Variants in KIF1B observed in about 807,000 individuals in gnomAD.
The protein encoded by KIF1B is kinesin-like protein KIF1B.
Under a neutral mutation model 241.9 loss-of-function variants are expected in KIF1B, and 76 were observed. That is an observed-to-expected ratio of 0.31 (90% CI 0.26 to 0.38). The LOEUF (loss-of-function observed/expected upper bound fraction) is 0.38. Ranked by LOEUF, KIF1B falls within the 10% of genes least tolerant of loss-of-function variation. The pLI is 1.00. For synonymous variants in KIF1B, 750 were observed against 796.7 expected, an observed-to-expected ratio of 0.94 and a Z score of 0.99; for missense variants, 1,622 against 2,271.4, an observed-to-expected ratio of 0.71 and a Z score of 5.81.
intron 22 of KIF1B, among the ~76,000 whole-genome samples, chr1:10,316,154 G>A (rs1651296015): frequency 6.6e-6 from 1 of 150,660 alleles, no homozygotes; most frequent in Admixed American, 6.6e-5. Flanking sequence ...GATCACTTGA[G>A]CCTGAGAGGT....
In KIF1B at chr1:10,374,336, G is replaced by C. The variant is rs373439616; in HGVS notation, c.4967G>C (p.Arg1656Pro). ...LDQKTPEANSRASSPCPEFEQ... is the reference protein window; with the variant it reads ...LDQKTPEANSPASSPCPEFEQ... ...TAAAGGACCCCAGAAGCCAATTCCC[G>C]GGCCTCTAGTCCCTGCCCAGAATTT... Residue 1656 changes from arginine (R) to proline (P), a missense_variant, in exon 46 of 49, where the codon CGG becomes CCG. Physicochemically the swap from Arg to Pro is moderately radical, Grantham distance 103. Transcript: ENST00000676179. The surrounding 1 kb of genome is among the most constrained non-coding windows in gnomAD (Gnocchi z 4.3). 1 of 1,613,944 alleles carries C rather than the reference G, an allele frequency of 6.2e-7. No individual in the cohort carries two copies. Among genetic ancestry groups the C allele is most frequent in the Non-Finnish European group, 8.5e-7 (1 of 1,179,934 alleles).
rs72638984 is a variant in KIF1B at position 10,225,345 on chromosome 1, C to A, written c.-79-6905C>A. 6.4e-3 allele frequency among the ~76,000 whole-genome samples: 976 copies of A among 152,102 alleles called. 6 individuals carry two copies. Among genetic ancestry groups the A allele is most frequent in the Non-Finnish European group, 0.012 (789 of 67,992 alleles). On this transcript the variant is annotated intron_variant, in intron 1 of 48. Transcript: ENST00000676179. ...ACAAACAAACAAAAAATTAGCCGGG[C>A]ATGGTGGTGCACCCCTGTAGCTCCA...
chr1:10,217,924 A>T (rs551139316), intron 1 of KIF1B, among the ~76,000 whole-genome samples: 1 of 152,182 alleles, frequency 6.6e-6, no homozygotes, highest in Non-Finnish European at 1.5e-5. Context: ...TTTTTTGTTC[A>T]CGGATTATTT....
At chr1:10,336,366 C>T (rs886553766) in intron 28 of KIF1B, among the ~76,000 whole-genome samples, 4 of 152,184 alleles carry the variant, frequency 2.6e-5, no homozygotes, top group African/African-American at 7.2e-5. Flanking sequence ...TCAGGCTGGT[C>T]TCGAACTCCT....
At chr1:10,296,293 G>C (rs188823767) in intron 19 of KIF1B, among the ~76,000 whole-genome samples, 1 of 152,160 alleles carries the variant, frequency 6.6e-6, no homozygotes, top group Non-Finnish European at 1.5e-5. Flanking sequence ...ATGGTTCTGA[G>C]TTTTATTGAC....
chr1:10,274,140 G>A (rs1427259157), intron 10 of KIF1B, among the ~76,000 whole-genome samples: 2 of 151,782 alleles, frequency 1.3e-5, no homozygotes, highest in Non-Finnish European at 2.9e-5. Context: ...GTTTCATCAC[G>A]TTGGCCAGGC....
At chr1:10,345,632 ATTTCT>A (rs959322013) in intron 34 of KIF1B, 27 of 559,642 alleles carry the variant, frequency 4.8e-5, no homozygotes, top group Non-Finnish European at 8.3e-5. Context: ...AAAGATACTG[ATTTCT>A]TTATTTTCCT....
intron 2 of KIF1B, among the ~76,000 whole-genome samples, chr1:10,241,698 TG>T (rs1166170378): frequency 6.6e-6 from 1 of 152,242 alleles, no homozygotes; most frequent in East Asian, 1.9e-4. Context: ...GTAAACTTTG[TG>T]CTGCCTTTAT....
intron 44 of KIF1B, 148 bp downstream of exon 44, chr1:10,368,686 T>G: frequency 1.4e-6 from 1 of 712,914 alleles, no homozygotes; most frequent in Admixed American, 2.1e-5. Context: ...CATACTGCTC[T>G]GGTATTCATT....
intron 43 of KIF1B, among the ~76,000 whole-genome samples, chr1:10,366,110 A>C (rs1374782808): frequency 6.6e-6 from 1 of 152,096 alleles, no homozygotes; most frequent in East Asian, 1.9e-4. Flanking sequence ...GAGCGCCTGT[A>C]ATCCCAGCTA....
intron 1 of KIF1B, among the ~76,000 whole-genome samples, chr1:10,226,801 T>A (rs908071686): frequency 7.9e-5 from 12 of 151,770 alleles, no homozygotes; most frequent in African/African-American, 2.9e-4. Context: ...ACCCCGTCCC[T>A]ACTAAAAATA....
chr1:10,346,593 G>A (rs572242428), intron 35 of KIF1B, among the ~76,000 whole-genome samples: 296 of 152,262 alleles, frequency 1.9e-3, no homozygotes, highest in Non-Finnish European at 3.7e-3. Context: ...TCGAACTCCC[G>A]ACCTCAGGTG....
At chr1:10,280,085 CATT>C (rs1435165379) in intron 14 of KIF1B, among the ~76,000 whole-genome samples, 1 of 152,114 alleles carries the variant, frequency 6.6e-6, no homozygotes, top group Non-Finnish European at 1.5e-5. Flanking sequence ...ACATGAACCT[CATT>C]ATTCTCTCCA....
intron 1 of KIF1B, among the ~76,000 whole-genome samples, chr1:10,220,594 G>A (rs972141164): frequency 6.6e-6 from 1 of 152,086 alleles, no homozygotes; most frequent in Non-Finnish European, 1.5e-5. Context: ...GGAGTTTTGA[G>A]GCTGCCATGA....
At position 10,268,224 on chromosome 1, in the gene KIF1B, G is replaced by A; in HGVS notation, c.681G>A (p.Gln227=). ...SHAVFTIVFT[Q]KKHDNETNLS... ...CTGTGTTTACGATTGTTTTCACCCA[G>A]AAGAAACACGATAATGAGACCAACC... Residue 227 remains glutamine, a synonymous_variant, in exon 7 of 49, where the codon CAG becomes CAA. Transcript: ENST00000676179. The A allele has an allele frequency of 6.2e-7, 1 of 1,613,808 alleles. No individual in the cohort carries two copies. Among genetic ancestry groups the A allele is most frequent in the Non-Finnish European group, 8.5e-7 (1 of 1,179,702 alleles).
intron 8 of KIF1B, among the ~76,000 whole-genome samples, 188 bp downstream of exon 8, chr1:10,271,767 C>G (rs1231518740): frequency 6.6e-6 from 1 of 152,126 alleles, no homozygotes; most frequent in Non-Finnish European, 1.5e-5. Flanking sequence ...TTGTGTCTGT[C>G]CTTCTACGGA....
chr1:10,301,869 G>T (rs548291337), intron 22 of KIF1B, among the ~76,000 whole-genome samples: 49 of 152,276 alleles, frequency 3.2e-4, no homozygotes, highest in Admixed American at 5.9e-4. Context: ...AAGAGCGATT[G>T]CTTATTATCT....
chr1:10,343,138 G>A (rs1239512819), intron 33 of KIF1B, 94 bp from the exon 34 acceptor site: 3 of 1,332,486 alleles, frequency 2.3e-6, no homozygotes, highest in Non-Finnish European at 3.2e-6. Context: ...CCCCTAAAGA[G>A]AAGGAAATTC....
chr1:10,218,699 G>A (rs1369830601), intron 1 of KIF1B, among the ~76,000 whole-genome samples: 1 of 152,144 alleles, frequency 6.6e-6, no homozygotes, highest in East Asian at 1.9e-4. Flanking sequence ...GGGATTATAC[G>A]CGTGAGCCAC....
Sources: allele counts gnomAD v4.1 joint callset (sites outside exome capture counted in the v4.1 genomes callset), GRCh38; gene constraint gnomAD v4.1.1; non-coding constraint Gnocchi (gnomAD v3.1); transcripts MANE v1.5; gene names NCBI Gene and HGNC (gene_info 2026-07-23, HGNC 2026-07-21).